Variants in MGAM2 observed in about 807,000 individuals in gnomAD.
MGAM2 encodes the protein probable maltase-glucoamylase 2.
MGAM2 carries 98 observed loss-of-function variants against 96.1 expected under a neutral mutation model. That is an observed-to-expected ratio of 1.02 (90% confidence interval 0.87 to 1.21). The LOEUF (loss-of-function observed/expected upper bound fraction) is 1.21. Ranked by LOEUF, MGAM2 falls within the 50% of genes most tolerant of loss-of-function variation. The pLI, the probability that MGAM2 is intolerant of heterozygous loss-of-function variation, is 0.00. For synonymous variants in MGAM2, 749 were observed against 414.8 expected (o/e 1.81, Z -9.79); for missense variants, 2,055 against 1,182.4 (o/e 1.74, Z -10.82).
chr7:142,166,918 T>C (rs569585456), intron 25 of MGAM2, among the ~76,000 whole-genome samples: 52 of 152,240 alleles, frequency 3.4e-4, no homozygotes, highest in African/African-American at 1.1e-3. Context: ...ACCTTGAGGG[T>C]ATTTCTTTGC....
chr7:142,210,241 T>C (rs536997801), intron 46 of MGAM2, among the ~76,000 whole-genome samples: 1 of 152,106 alleles, frequency 6.6e-6, no homozygotes, highest in East Asian at 1.9e-4. Flanking sequence ...ACCAGGACCC[T>C]GGGTTTCAAG....
chr7:142,116,842 T>G, intron 1 of MGAM2, 32 bp from the exon 2 acceptor site: 1 of 703,202 alleles, frequency 1.4e-6, no homozygotes, highest in East Asian at 2.7e-5. Context: ...GCCTTGTGAT[T>G]TGTTTTAACC....
At chr7:142,168,512 C>T (rs1209101410) in intron 26 of MGAM2, among the ~76,000 whole-genome samples, 3 of 152,142 alleles carry the variant, frequency 2.0e-5, no homozygotes, top group Admixed American at 2.0e-4. Context: ...TCAGGTAATC[C>T]ACCCACCTTG....
At chr7:142,207,130 A>G (rs554307496) in intron 45 of MGAM2, among the ~76,000 whole-genome samples, 40 of 152,346 alleles carry the variant, frequency 2.6e-4, no homozygotes, top group Non-Finnish European at 4.3e-4. Flanking sequence ...AGAACAGAAC[A>G]TGAAGTGAAA....
intron 1 of MGAM2, among the ~76,000 whole-genome samples, chr7:142,115,354 G>A (rs140391455): frequency 6.6e-6 from 1 of 152,352 alleles, no homozygotes; most frequent in Admixed American, 6.5e-5. Flanking sequence ...CAGCACAGAA[G>A]GCAGATGTTT....
intron 15 of MGAM2, among the ~76,000 whole-genome samples, chr7:142,150,928 T>C (rs1046251509): frequency 1.2e-4 from 18 of 152,212 alleles, no homozygotes; most frequent in Admixed American, 1.2e-3. Flanking sequence ...ATGGCCTTCC[T>C]TACCCTGTCC....
At chr7:142,215,758 CAAAA>C (rs561282810) in intron 46 of MGAM2, among the ~76,000 whole-genome samples, 3 of 104,076 alleles carry the variant, frequency 2.9e-5, no homozygotes, top group African/African-American at 3.6e-5. Context: ...AACTCTGTCT[CAAAA>C]AAAAAAAAAA....
chr7:142,132,864 T>G (rs9767883), intron 6 of MGAM2, among the ~76,000 whole-genome samples: 1 of 129,118 alleles, frequency 7.7e-6, no homozygotes, highest in Admixed American at 8.1e-5. Flanking sequence ...ATATTATATA[T>G]TAAATTAAAT....
chr7:142,181,181 T>G (rs1796528669), intron 32 of MGAM2, among the ~76,000 whole-genome samples: 2 of 152,198 alleles, frequency 1.3e-5, no homozygotes, highest in African/African-American at 4.8e-5. Context: ...TCCTTTATCT[T>G]TTTGAAGTCG....
chr7:142,211,285 C>T (rs189456056), intron 46 of MGAM2, among the ~76,000 whole-genome samples: 17 of 152,300 alleles, frequency 1.1e-4, no homozygotes, highest in Admixed American at 4.6e-4. Context: ...GCCCCTTCTC[C>T]TCCAAAGGAT....
chr7:142,144,911 A>C lies in MGAM2; in HGVS notation c.1482A>C (p.Glu494Asp), dbSNP rs1387934976. Residue 494 changes from glutamate (E) to aspartate (D), a missense_variant, in exon 14 of 48, where the codon GAA becomes GAC. Coordinates refer to ENST00000477922, the MANE Select transcript of MGAM2 (RefSeq NM_001293626.2). ...SLLQASNNQC[E>D]SNNLNFPPFL... ...TCCAAGCTTCTAATAACCAGTGTGA[A>C]TCCAACAACTTGAACTTTCCTCCTT... 2 of 702,728 alleles carry C rather than the reference A, an allele frequency of 2.8e-6. No individual in the cohort carries two copies. Among genetic ancestry groups the C allele is most frequent in the African/African-American group, 3.5e-5 (2 of 57,248 alleles). 43.5% of individuals were successfully genotyped at this position (702,728 alleles called of 1,614,324 possible).
At chr7:142,167,538 A>G (rs1216026866) in intron 26 of MGAM2, 52 bp downstream of exon 26, 14 of 700,680 alleles carry the variant, frequency 2.0e-5, no homozygotes, top group South Asian at 1.8e-4. Context: ...TTTAATTTAC[A>G]GTGCTGTATG....
At chr7:142,203,509 C>G (rs1039667830) in intron 45 of MGAM2, among the ~76,000 whole-genome samples, 14 of 151,940 alleles carry the variant, frequency 9.2e-5, no homozygotes, top group African/African-American at 2.7e-4. Flanking sequence ...TCTAAAATTC[C>G]TATGGAACCA....
chr7:142,113,815 C>A, intron 1 of MGAM2, among the ~76,000 whole-genome samples: 1 of 152,010 alleles, frequency 6.6e-6, no homozygotes, highest in East Asian at 1.9e-4. Context: ...AAGCCTATAC[C>A]AGAATTTGGG....
At chr7:142,172,871 C>G in intron 30 of MGAM2, 107 bp downstream of exon 30, 1 of 579,246 alleles carries the variant, frequency 1.7e-6, no homozygotes, top group Non-Finnish European at 3.1e-6. Context: ...TTGAGTGTCA[C>G]TACTAGATTA....
At chr7:142,219,749 A>G (rs1797863116) in intron 47 of MGAM2, 121 bp from the exon 48 acceptor site, 1 of 605,248 alleles carries the variant, frequency 1.7e-6, no homozygotes, top group South Asian at 2.0e-5. Context: ...GAATGTTTAT[A>G]TCCTATTACT....
rs896183933 is a variant in MGAM2 at position 142,212,690 on chromosome 7, T to C, written c.5187+4068T>C. Among the ~76,000 whole-genome samples the C allele has an allele frequency of 1.8e-4, 27 of 152,170 alleles. 1 individual carries two copies. Among genetic ancestry groups the C allele is most frequent in the Non-Finnish European group, 4.4e-5 (3 of 68,038 alleles). On this transcript the variant is annotated intron_variant, in intron 46 of 47. Coordinates refer to ENST00000477922, the MANE Select transcript of MGAM2 (RefSeq NM_001293626.2). ...GAAGCACCCACATTCATAAGGCAAGTCCTTAGAGACCTACAAAGAGACTTA... is the reference window on the plus strand; with the variant it reads ...GAAGCACCCACATTCATAAGGCAAGCCCTTAGAGACCTACAAAGAGACTTA...
intron 2 of MGAM2, among the ~76,000 whole-genome samples, chr7:142,117,802 G>A (rs1295326654): frequency 6.6e-6 from 1 of 152,084 alleles, no homozygotes; most frequent in African/African-American, 2.4e-5. Flanking sequence ...CGGGTAACAA[G>A]TCTCCTGAGA....
At chr7:142,181,842 G>A in intron 32 of MGAM2, among the ~76,000 whole-genome samples, 1 of 152,184 alleles carries the variant, frequency 6.6e-6, no homozygotes, top group Non-Finnish European at 1.5e-5. Context: ...AGTATTTTCT[G>A]CACAGCAAAT....
Sources: allele counts gnomAD v4.1 joint callset (sites outside exome capture counted in the v4.1 genomes callset), GRCh38; gene constraint gnomAD v4.1.1; transcripts MANE v1.5; gene names NCBI Gene and HGNC (gene_info 2026-07-23, HGNC 2026-07-21).